The following VPS13B variants were observed in gnomAD, a reference collection of about 807,000 sequenced individuals.
The protein encoded by VPS13B is vacuolar protein sorting 13 homolog B, also known as intermembrane lipid transfer protein VPS13B.
In VPS13B, 285 loss-of-function variants were observed where a neutral mutation model predicts 426.4. The ratio of observed to expected loss-of-function variants is 0.67; its 90% CI spans 0.61 to 0.74. The LOEUF (loss-of-function observed/expected upper bound fraction) is 0.74. Among genes scored for constraint, VPS13B ranks in the 30% least tolerant of loss-of-function variants. VPS13B has a pLI of 0.00. For synonymous variants in VPS13B, 1,676 were observed against 1,676.4 expected, an observed-to-expected ratio of 1.00 and a Z score of 0.01; for missense variants, 4,537 against 4,782.6, an observed-to-expected ratio of 0.95 and a Z score of 1.51.
At chr8:99,238,604 A>G (rs1056521866) in intron 17 of VPS13B, among the ~76,000 whole-genome samples, 2 of 152,162 alleles carry the variant, frequency 1.3e-5, no homozygotes, top group African/African-American at 4.8e-5. Flanking sequence ...CTATAATAAA[A>G]TTTATATTGA....
chr8:99,418,534 CT>C (rs1816195399), intron 21 of VPS13B, among the ~76,000 whole-genome samples: 9 of 60,978 alleles, frequency 1.5e-4, no homozygotes, highest in Middle Eastern at 7.2e-3. Context: ...CTTTCTCTTT[CT>C]TTTCTTTTCT....
At chr8:99,216,906 G>A (rs993467221) in intron 17 of VPS13B, among the ~76,000 whole-genome samples, 49 of 151,902 alleles carry the variant, frequency 3.2e-4, no homozygotes, top group Admixed American at 1.7e-3. Context: ...GTACTTGCTC[G>A]GAAAGTGAGG....
intron 3 of VPS13B, among the ~76,000 whole-genome samples, chr8:99,068,353 A>G (rs975548125): frequency 2.6e-5 from 4 of 152,350 alleles, no homozygotes; most frequent in South Asian, 2.1e-4. Context: ...CAAAGCATTT[A>G]TAAGTTGTGT....
At chr8:99,625,861 C>A (rs1828590119) in intron 33 of VPS13B, among the ~76,000 whole-genome samples, 1 of 151,844 alleles carries the variant, frequency 6.6e-6, no homozygotes, top group African/African-American at 2.4e-5. Context: ...ATAACAACAA[C>A]AACAACAAAA....
At chr8:99,117,675 G>T (rs1488775221) in intron 7 of VPS13B, among the ~76,000 whole-genome samples, 12 of 152,170 alleles carry the variant, frequency 7.9e-5, no homozygotes, top group Non-Finnish European at 2.9e-5. Context: ...ATTATCTTAA[G>T]TGAAAGCAGC....
At chr8:99,017,865 T>G (rs1454612849) in intron 2 of VPS13B, among the ~76,000 whole-genome samples, 2 of 152,246 alleles carry the variant, frequency 1.3e-5, no homozygotes, top group African/African-American at 4.8e-5. Context: ...TAGTGTTTTT[T>G]GCTGAGATTA....
At chr8:99,652,790 A>G (rs1023690758) in intron 34 of VPS13B, among the ~76,000 whole-genome samples, 1 of 152,172 alleles carries the variant, frequency 6.6e-6, no homozygotes, top group Non-Finnish European at 1.5e-5. Context: ...CATAATGATC[A>G]CACTCTGAAC....
rs569102224 is a variant in VPS13B, at chr8:99,332,771, A to G, written c.2825-51437A>G. ...CCCATATGAATTCTAAACATTTTAA[A>G]TATCAGGCTTCTAATAACACTTTTT... On this transcript the variant is annotated intron_variant, in intron 19 of 61. Transcript: ENST00000357162. Among the ~76,000 whole-genome samples the G allele has an allele frequency of 4.0e-5, 6 of 151,836 alleles. No homozygotes were observed. In the South Asian group the frequency reaches 1.2e-3, roughly 31 times the overall value.
At chr8:99,875,045 A>AGAT (rs764667820) in intron 61 of VPS13B, 5 of 320,176 alleles carry the variant, frequency 1.6e-5, no homozygotes, top group South Asian at 2.9e-5. Flanking sequence ...AATGTTGAAT[A>AGAT]GATGATTTAT....
At position 99,641,975 on chromosome 8, in the gene VPS13B, C is replaced by T. The variant is rs371961319; in HGVS notation, c.5385C>T (p.Ala1795=). 9.9e-6 allele frequency: 16 copies of T among 1,614,100 alleles called. No homozygotes were observed. The highest frequency in any genetic ancestry group is 1.4e-5 in the Non-Finnish European group (16 of 1,180,008). The change falls in exon 34 of 62, where the codon GCC becomes GCT. Residue 1795 remains alanine (A), a synonymous_variant. Transcript: ENST00000357162. ...GTGGTGCCAGTCAGCATCGCATTGC[C>T]CGTCCCTCACGCCAGTCATCAATTG... The part of the protein sequence containing the change: ...QHSGASQHRI[A]RPSRQSSIVK...
chr8:99,619,021 G>C (rs1459634793), intron 33 of VPS13B, among the ~76,000 whole-genome samples: 1 of 151,842 alleles, frequency 6.6e-6, no homozygotes, highest in African/African-American at 2.4e-5. Context: ...TGGTGTTATG[G>C]CTATAATAGT....
intron 8 of VPS13B, among the ~76,000 whole-genome samples, chr8:99,134,014 A>G (rs986811356): frequency 3.9e-5 from 6 of 152,230 alleles, no homozygotes; most frequent in Non-Finnish European, 5.9e-5. Context: ...ATATCTGCGA[A>G]GTGAAATAAA....
At chr8:99,067,532 T>C (rs1219544854) in intron 3 of VPS13B, among the ~76,000 whole-genome samples, 1 of 152,066 alleles carries the variant, frequency 6.6e-6, no homozygotes, top group Non-Finnish European at 1.5e-5. Flanking sequence ...TTAGGAGAAA[T>C]ACCTAATGTA....
chr8:99,148,142 C>A, intron 14 of VPS13B, 132 bp downstream of exon 14: 1 of 987,480 alleles, frequency 1.0e-6, no homozygotes, highest in Non-Finnish European at 1.5e-6. Context: ...ATTCAGGAGG[C>A]TGGGGCAGGA....
intron 55 of VPS13B, among the ~76,000 whole-genome samples, chr8:99,850,757 C>G (rs1816247124): frequency 6.6e-6 from 1 of 152,088 alleles, no homozygotes; most frequent in African/African-American, 2.4e-5. Flanking sequence ...GAAACCCTGT[C>G]TCTACTAACA....
intron 43 of VPS13B, among the ~76,000 whole-genome samples, chr8:99,800,687 G>T (rs1382240448): frequency 6.6e-6 from 1 of 151,870 alleles, no homozygotes; most frequent in Non-Finnish European, 1.5e-5. Context: ...AATGAAAAAT[G>T]CTACTATTTT....
intron 35 of VPS13B, among the ~76,000 whole-genome samples, chr8:99,684,028 GTTA>G (rs1169380373): frequency 3.3e-5 from 5 of 152,148 alleles, no homozygotes; most frequent in African/African-American, 1.2e-4. Flanking sequence ...TTTGCCTAGA[GTTA>G]TTATAAATGG....
chr8:99,613,573 GA>G lies in VPS13B; in HGVS notation c.5221-28237del, dbSNP rs371538122. On this transcript the variant is annotated intron_variant, in intron 33 of 61. Transcript: ENST00000357162. ...GGTGCTTAATATGTTTTGTTGTGTG[GA>G]CTTGTTAGTAGCCTGGAGCATAAAG... Among the ~76,000 whole-genome samples the G allele has an allele frequency of 2.0e-3, 303 of 152,248 alleles. 1 individual carries two copies. Among genetic ancestry groups the G allele is most frequent in the African/African-American group, 7.0e-3 (292 of 41,554 alleles).
intron 11 of VPS13B, 87 bp downstream of exon 11, chr8:99,135,820 C>T: frequency 6.5e-7 from 1 of 1,537,726 alleles, no homozygotes; most frequent in South Asian, 1.1e-5. Context: ...GCTTTCTTTT[C>T]AAATAATGCC....
Sources: gnomAD v4.1 joint callset for allele counts (sites outside exome capture counted in the v4.1 genomes callset) on GRCh38, gnomAD v4.1.1 for gene constraint, MANE v1.5 for transcripts, NCBI Gene and HGNC (gene_info 2026-07-23, HGNC 2026-07-21) for gene names.